BANK1: variants seen among roughly 807,000 people sequenced by gnomAD.
BANK1 encodes B cell scaffold protein with ankyrin repeats 1.
BANK1 carries 95 observed loss-of-function variants against 94.5 expected under a neutral mutation model. The observed-to-expected ratio is 1.00, with a 90% CI of 0.85 to 1.19. The LOEUF is 1.19. BANK1 is among the 50% of genes most tolerant of loss of function. The pLI is 0.00. For missense variants in BANK1, 987 were observed against 932.2 expected (o/e 1.06, Z -0.77); for synonymous variants, 334 against 308.4 (o/e 1.08, Z -0.87).
chr4:101,883,818 A>G (rs2148886548), intron 5 of BANK1, among the ~76,000 whole-genome samples: 1 of 152,344 alleles, frequency 6.6e-6, no homozygotes, highest in African/African-American at 2.4e-5. Context: ...CTACTATTCC[A>G]TAATAAGATA....
At chr4:102,036,070 T>G (rs951144688) in intron 10 of BANK1, among the ~76,000 whole-genome samples, 1 of 152,228 alleles carries the variant, frequency 6.6e-6, no homozygotes, top group South Asian at 2.1e-4. Context: ...CAATTTTCTA[T>G]TTTCCTCACA....
chr4:101,900,636 G>C (rs1018692199), intron 6 of BANK1, among the ~76,000 whole-genome samples: 1 of 151,682 alleles, frequency 6.6e-6, no homozygotes, highest in Non-Finnish European at 1.5e-5. Context: ...AAGAGAGGAC[G>C]GGTCTGTGTG....
At chr4:101,909,128 A>G (rs1476390039) in intron 6 of BANK1, among the ~76,000 whole-genome samples, 4 of 151,588 alleles carry the variant, frequency 2.6e-5, no homozygotes, top group South Asian at 2.1e-4. Flanking sequence ...TGCAGCAAAG[A>G]CTTGGAACCA....
At chr4:102,013,143 C>T (rs1382367732) in intron 7 of BANK1, among the ~76,000 whole-genome samples, 4 of 152,038 alleles carry the variant, frequency 2.6e-5, no homozygotes, top group African/African-American at 7.2e-5. Flanking sequence ...TGGTACACCC[C>T]GTTGTTATAG....
intron 7 of BANK1, among the ~76,000 whole-genome samples, chr4:101,988,229 A>C (rs964392108): frequency 6.6e-6 from 1 of 152,066 alleles, no homozygotes; most frequent in Non-Finnish European, 1.5e-5. Flanking sequence ...GTATTGTTTG[A>C]CTCAAATTTT....
chr4:101,806,346 TA>T (rs999938733), intron 1 of BANK1, among the ~76,000 whole-genome samples: 11 of 27,788 alleles, frequency 4.0e-4, no homozygotes, highest in African/African-American at 3.0e-3. Flanking sequence ...ATACAATGTT[TA>T]AAAAAAAATA....
At chr4:101,824,192 T>C (rs1032036882) in intron 1 of BANK1, among the ~76,000 whole-genome samples, 1 of 152,176 alleles carries the variant, frequency 6.6e-6, no homozygotes, top group Non-Finnish European at 1.5e-5. Context: ...CTTGGTACAC[T>C]AAATCCCTGG....
chr4:101,885,581 C>G (rs1191060802), intron 5 of BANK1, among the ~76,000 whole-genome samples: 2 of 152,180 alleles, frequency 1.3e-5, no homozygotes, highest in African/African-American at 2.4e-5. Flanking sequence ...GAATCCTTCC[C>G]TCATCTTATA....
At chr4:101,967,330 T>A (rs1169132854) in intron 7 of BANK1, among the ~76,000 whole-genome samples, 1 of 151,976 alleles carries the variant, frequency 6.6e-6, no homozygotes, top group Non-Finnish European at 1.5e-5. Context: ...TATTAAAAAA[T>A]TTAGATCCAG....
At position 102,074,619 on chromosome 4, in the gene BANK1, T is replaced by G. The variant is rs1008327812; in HGVS notation, c.*620T>G. The G allele has an allele frequency of 1.3e-5, 2 of 152,064 alleles. No homozygotes were observed. Among genetic ancestry groups the G allele is most frequent in the African/African-American group, 4.8e-5 (2 of 41,454 alleles). 9.4% of individuals were successfully genotyped at this position (152,064 alleles called of 1,614,324 possible). On this transcript the variant is annotated 3_prime_UTR_variant, in exon 17 of 17. Transcript: ENST00000322953. ...TCATAACCTACCTTTGTATTAAGAC[T>G]TGCAATTTTATCAATCTATTATTTC...
At chr4:101,825,526 A>G (rs554754913) in intron 1 of BANK1, among the ~76,000 whole-genome samples, 1 of 152,240 alleles carries the variant, frequency 6.6e-6, no homozygotes, top group South Asian at 2.1e-4. Context: ...AAGTCAGCAT[A>G]AAGATCAACA....
chr4:101,815,003 A>G (rs529557878), intron 1 of BANK1, among the ~76,000 whole-genome samples: 5 of 152,280 alleles, frequency 3.3e-5, no homozygotes, highest in African/African-American at 4.8e-5. Flanking sequence ...ACCCTCTTCA[A>G]TGTTTGAGTT....
rs1723966925 is a variant in BANK1 at position 101,947,309 on chromosome 4, A to AGATATATATATATATATATATATATG, written c.1206+29120_1206+29121insGATATATATATATATATATATATATG. ...AATATATATATATATATATATATAT[A>AGATATATATATATATATATATATATG]TATGTATATGTATTATGTATTATAT... On this transcript the variant is annotated intron_variant, in intron 7 of 16. Transcript: ENST00000322953. Among the ~76,000 whole-genome samples the AGATATATATATATATATATATATATG allele has an allele frequency of 8.8e-5, 6 of 67,864 alleles. 1 individual carries two copies. The highest frequency in any genetic ancestry group is 2.0e-4 in the Non-Finnish European group (6 of 29,618). The allele number at this position is 67,864 out of a possible 152,430, so 44.5% of individuals were successfully genotyped here.
chr4:101,868,022 C>G (rs907757769), intron 4 of BANK1, among the ~76,000 whole-genome samples: 2 of 151,632 alleles, frequency 1.3e-5, no homozygotes, highest in African/African-American at 4.8e-5. Context: ...CAGAGATTGC[C>G]AGAATGGATA....
intron 6 of BANK1, among the ~76,000 whole-genome samples, chr4:101,914,301 G>A (rs933147792): frequency 6.6e-6 from 1 of 152,056 alleles, no homozygotes; most frequent in Admixed American, 6.6e-5. Flanking sequence ...GGTCACAGTT[G>A]CCTCCCCCAG....
intron 4 of BANK1, among the ~76,000 whole-genome samples, chr4:101,868,881 C>T (rs1459390374): frequency 6.6e-6 from 1 of 151,682 alleles, no homozygotes; most frequent in African/African-American, 2.4e-5. Flanking sequence ...TTAATAACTG[C>T]CATTTAACAA....
At chr4:101,855,252 T>G (rs1168499460) in intron 3 of BANK1, 63 bp downstream of exon 3, 3 of 1,505,560 alleles carry the variant, frequency 2.0e-6, no homozygotes, top group Non-Finnish European at 2.7e-6. Flanking sequence ...TGGTGGTTGT[T>G]GTTGTTTGGA....
intron 6 of BANK1, among the ~76,000 whole-genome samples, chr4:101,899,662 AC>A (rs1239800419): frequency 6.6e-6 from 1 of 152,200 alleles, no homozygotes; most frequent in East Asian, 1.9e-4. Flanking sequence ...TTACAAACAT[AC>A]TGTGGTTGGA....
At chr4:102,067,907 G>A (rs1728644709) in intron 13 of BANK1, among the ~76,000 whole-genome samples, 1 of 151,954 alleles carries the variant, frequency 6.6e-6, no homozygotes, top group African/African-American at 2.4e-5. Flanking sequence ...GATCAAAAAA[G>A]TTTCAGTAAA....
Sources: gnomAD v4.1 joint callset for allele counts (sites outside exome capture counted in the v4.1 genomes callset) on GRCh38, gnomAD v4.1.1 for gene constraint, MANE v1.5 for transcripts, NCBI Gene and HGNC (gene_info 2026-07-23, HGNC 2026-07-21) for gene names.